The following CNTNAP2 variants were observed in gnomAD, a reference collection of about 807,000 sequenced individuals.
CNTNAP2 encodes the protein contactin associated protein 2.
A neutral mutation model predicts 155.2 loss-of-function variants in CNTNAP2; 98 were observed. The observed-to-expected ratio is 0.63, with a 90% CI of 0.54 to 0.75. The LOEUF (loss-of-function observed/expected upper bound fraction) is 0.75. Ranked by LOEUF, CNTNAP2 falls within the 30% of genes least tolerant of loss-of-function variation. The probability of loss-of-function intolerance (pLI) is 0.00; values close to 1 mark genes in which losing one functional copy is unlikely to be tolerated. For synonymous variants in CNTNAP2, 651 were observed against 631.2 expected (o/e 1.03, Z -0.47); for missense variants, 1,727 against 1,688.1 (o/e 1.02, Z -0.40).
intron 1 of CNTNAP2, among the ~76,000 whole-genome samples, chr7:146,458,338 A>G (rs775533126): frequency 6.6e-6 from 1 of 152,244 alleles, no homozygotes; most frequent in Non-Finnish European, 1.5e-5. Context: ...TGTGAGATGC[A>G]TGTTAGATTA....
At chr7:146,687,916 T>C (rs1421906072) in intron 1 of CNTNAP2, among the ~76,000 whole-genome samples, 1 of 152,094 alleles carries the variant, frequency 6.6e-6, no homozygotes, top group African/African-American at 2.4e-5. Context: ...TGTGTGTGAG[T>C]TCAAGTGGTT....
intron 15 of CNTNAP2, among the ~76,000 whole-genome samples, chr7:148,096,297 G>A (rs1040891020): frequency 6.6e-6 from 1 of 151,918 alleles, no homozygotes; most frequent in Non-Finnish European, 1.5e-5. Flanking sequence ...GTGTGTGTGT[G>A]TGTGTGTGTG....
chr7:146,397,015 A>G (rs577633550), intron 1 of CNTNAP2, among the ~76,000 whole-genome samples: 2 of 152,182 alleles, frequency 1.3e-5, no homozygotes, highest in South Asian at 2.1e-4. Flanking sequence ...TTTTCTCACA[A>G]TTTATAATGG....
chr7:147,814,867 T>C (rs2116612173), intron 13 of CNTNAP2, among the ~76,000 whole-genome samples: 1 of 152,310 alleles, frequency 6.6e-6, no homozygotes, highest in East Asian at 1.9e-4. Flanking sequence ...AATTATTGGG[T>C]TCCTGGGGTA....
At chr7:147,287,108 C>T (rs1221808609) in intron 8 of CNTNAP2, among the ~76,000 whole-genome samples, 4 of 152,186 alleles carry the variant, frequency 2.6e-5, no homozygotes, top group East Asian at 1.9e-4. Context: ...GCGGAGACTA[C>T]GCTCAACTTC....
intron 1 of CNTNAP2, among the ~76,000 whole-genome samples, chr7:146,393,825 C>A (rs1191614662): frequency 6.6e-6 from 1 of 151,920 alleles, no homozygotes; most frequent in Non-Finnish European, 1.5e-5. Context: ...TAAATATAAT[C>A]ATTTAAAGAT....
chr7:148,238,217 T>C (rs954471222), intron 20 of CNTNAP2, among the ~76,000 whole-genome samples: 3 of 151,992 alleles, frequency 2.0e-5, no homozygotes, highest in Admixed American at 2.0e-4. Context: ...GACATGGGGG[T>C]GCACGCCTGT....
intron 2 of CNTNAP2, among the ~76,000 whole-genome samples, chr7:146,802,878 G>T (rs978618638): frequency 6.6e-6 from 1 of 152,148 alleles, no homozygotes; most frequent in Non-Finnish European, 1.5e-5. Flanking sequence ...AGCTGGAAGT[G>T]CTCTCTGGAA....
chr7:148,231,996 G>A (rs1175824680), intron 20 of CNTNAP2, among the ~76,000 whole-genome samples: 1 of 152,198 alleles, frequency 6.6e-6, no homozygotes, highest in African/African-American at 2.4e-5. Flanking sequence ...ACCTGGAAGT[G>A]TTGGGAGATC....
chr7:147,780,539 A>C (rs1797647428), intron 13 of CNTNAP2, among the ~76,000 whole-genome samples: 1 of 152,180 alleles, frequency 6.6e-6, no homozygotes, highest in Admixed American at 6.5e-5. Context: ...CTGGTCCTTA[A>C]GAGTAATTGC....
intron 1 of CNTNAP2, among the ~76,000 whole-genome samples, chr7:146,669,317 T>G (rs1800255478): frequency 6.6e-6 from 1 of 152,156 alleles, no homozygotes. Context: ...GATTTTGCAG[T>G]AGTTTGACAC....
intron 8 of CNTNAP2, among the ~76,000 whole-genome samples, chr7:147,234,896 A>G (rs1803765307): frequency 6.6e-6 from 1 of 152,168 alleles, no homozygotes; most frequent in South Asian, 2.1e-4. Context: ...CAAGGGCTGC[A>G]CAGTTTCAAG....
intron 15 of CNTNAP2, among the ~76,000 whole-genome samples, chr7:148,086,896 C>T (rs1475080342): frequency 1.3e-5 from 2 of 152,040 alleles, no homozygotes; most frequent in Admixed American, 6.6e-5. Context: ...TACAATGGTG[C>T]GTTACTACCA....
intron 1 of CNTNAP2, among the ~76,000 whole-genome samples, chr7:146,653,086 A>T (rs550408426): frequency 7.1e-4 from 108 of 152,292 alleles, no homozygotes; most frequent in African/African-American, 2.5e-3. Flanking sequence ...GTGATTACAG[A>T]TGAAAAAAAT....
intron 15 of CNTNAP2, among the ~76,000 whole-genome samples, chr7:147,983,701 C>T (rs1801571737): frequency 6.6e-6 from 1 of 152,104 alleles, no homozygotes; most frequent in Non-Finnish European, 1.5e-5. Context: ...TAAAAATGTT[C>T]TGGTTGGAGA....
At chr7:146,761,325 GGAA>G (rs1563220012) in intron 1 of CNTNAP2, among the ~76,000 whole-genome samples, 1 of 143,172 alleles carries the variant, frequency 7.0e-6, no homozygotes, top group Non-Finnish European at 1.5e-5. Flanking sequence ...AAGGAAGGAA[GGAA>G]GGAAGGAAAA....
chr7:146,974,732 C>T (rs1047663466), intron 3 of CNTNAP2, among the ~76,000 whole-genome samples: 45 of 152,240 alleles, frequency 3.0e-4, no homozygotes, highest in African/African-American at 1.1e-3. Flanking sequence ...GGCACAGTGG[C>T]TCACACCTGT....
At chr7:147,267,537 T>C (rs1033057241) in intron 8 of CNTNAP2, among the ~76,000 whole-genome samples, 1 of 140,702 alleles carries the variant, frequency 7.1e-6, no homozygotes, top group African/African-American at 2.8e-5. Context: ...CTTTTCCTAT[T>C]ATGCCAACCA....
intron 3 of CNTNAP2, among the ~76,000 whole-genome samples, chr7:147,007,845 A>G (rs1798552320): frequency 6.6e-6 from 1 of 151,204 alleles, no homozygotes; most frequent in African/African-American, 2.5e-5. Context: ...AGTAAATTAC[A>G]AAAAAAATAC....
Sources: gnomAD v4.1 joint callset for allele counts (sites outside exome capture counted in the v4.1 genomes callset) on GRCh38, gnomAD v4.1.1 for gene constraint, MANE v1.5 for transcripts, NCBI Gene and HGNC (gene_info 2026-07-23, HGNC 2026-07-21) for gene names.